Variants in FBXL17 observed in about 807,000 individuals in gnomAD.
FBXL17 encodes the protein F-box/LRR-repeat protein 17.
A neutral mutation model predicts 66.2 loss-of-function variants in FBXL17; 22 were observed. The ratio of observed to expected loss-of-function variants is 0.33; its 90% CI spans 0.24 to 0.47. FBXL17 has a LOEUF of 0.47. Ranked by LOEUF, FBXL17 falls within the 20% of genes least tolerant of loss-of-function variation. The pLI is 1.00. For synonymous variants in FBXL17, 474 were observed against 400.5 expected (o/e 1.18, Z -2.19); for missense variants, 878 against 948.2 (o/e 0.93, Z 0.97).
At chr5:108,084,089 T>C (rs1408944462) in intron 6 of FBXL17, among the ~76,000 whole-genome samples, 2 of 152,228 alleles carry the variant, frequency 1.3e-5, no homozygotes, top group Non-Finnish European at 2.9e-5. Context: ...TCTTCTGTGT[T>C]ATCAGTAAAA....
chr5:107,989,478 T>C (rs576606173), intron 7 of FBXL17, among the ~76,000 whole-genome samples: 2 of 152,286 alleles, frequency 1.3e-5, no homozygotes, highest in South Asian at 4.1e-4. Context: ...GATTTCATTC[T>C]TTTTTATGGC....
chr5:108,322,382 C>T (rs1175319847), intron 4 of FBXL17, among the ~76,000 whole-genome samples: 1 of 151,732 alleles, frequency 6.6e-6, no homozygotes, highest in African/African-American at 2.4e-5. Context: ...ATCTTATGAA[C>T]CAATTATGAA....
At chr5:107,892,452 G>A (rs1749227925) in intron 7 of FBXL17, among the ~76,000 whole-genome samples, 1 of 152,012 alleles carries the variant, frequency 6.6e-6, no homozygotes. Flanking sequence ...TTACATGTTT[G>A]TGTATTTAAA....
intron 6 of FBXL17, among the ~76,000 whole-genome samples, chr5:108,103,211 C>CA (rs1749666698): frequency 6.6e-6 from 1 of 152,142 alleles, no homozygotes; most frequent in South Asian, 2.1e-4. Context: ...GCAATCAGAG[C>CA]AAAAGAGACC....
chr5:108,202,099 A>G (rs1486085563), intron 5 of FBXL17, among the ~76,000 whole-genome samples: 1 of 152,164 alleles, frequency 6.6e-6, no homozygotes, highest in East Asian at 1.9e-4. Flanking sequence ...TTTCAAAAAC[A>G]ATTGCCAATT....
At chr5:108,220,665 C>T (rs1330409088) in intron 5 of FBXL17, among the ~76,000 whole-genome samples, 1 of 151,850 alleles carries the variant, frequency 6.6e-6, no homozygotes, top group Non-Finnish European at 1.5e-5. Flanking sequence ...TCAAAATATC[C>T]CAGCCTAAGT....
chr5:107,928,284 G>A (rs1750601763), intron 7 of FBXL17, among the ~76,000 whole-genome samples: 1 of 151,980 alleles, frequency 6.6e-6, no homozygotes, highest in South Asian at 2.1e-4. Context: ...ACTTTGACTA[G>A]CTTTGCAGGG....
intron 6 of FBXL17, among the ~76,000 whole-genome samples, chr5:108,085,794 G>T (rs1748946931): frequency 6.6e-6 from 1 of 152,098 alleles, no homozygotes; most frequent in Admixed American, 6.5e-5. Flanking sequence ...AAAATTAGCT[G>T]GATGTAGTGG....
intron 4 of FBXL17, among the ~76,000 whole-genome samples, chr5:108,333,397 CA>C (rs1760227600): frequency 6.6e-6 from 1 of 151,958 alleles, no homozygotes; most frequent in African/African-American, 2.4e-5. Context: ...GTTAAAAAAT[CA>C]CTTTTAAAAT....
intron 6 of FBXL17, among the ~76,000 whole-genome samples, chr5:108,126,647 C>CTATA (rs1383217924): frequency 0.011 from 828 of 76,970 alleles, 9 homozygotes; most frequent in African/African-American, 0.036. Flanking sequence ...CTCTCTCTCT[C>CTATA]TCTCTATATA....
At chr5:107,869,135 C>T (rs1393230466) in intron 8 of FBXL17, among the ~76,000 whole-genome samples, 1 of 152,330 alleles carries the variant, frequency 6.6e-6, no homozygotes, top group East Asian at 1.9e-4. Context: ...GGACTTCACA[C>T]TGGTCTGTCA....
At chr5:108,178,992 G>A (rs898343419) in intron 6 of FBXL17, among the ~76,000 whole-genome samples, 3 of 152,124 alleles carry the variant, frequency 2.0e-5, no homozygotes, top group Non-Finnish European at 4.4e-5. Flanking sequence ...TCAGTCTCTA[G>A]GAGAATTAAG....
chr5:108,219,507 G>GAAACCCC, intron 5 of FBXL17, among the ~76,000 whole-genome samples: 1 of 152,140 alleles, frequency 6.6e-6, no homozygotes, highest in East Asian at 1.9e-4. Flanking sequence ...CTAACATGGT[G>GAAACCCC]AAACCCCGTC....
chr5:108,265,531 C>G (rs559852180), intron 4 of FBXL17, among the ~76,000 whole-genome samples: 3 of 152,134 alleles, frequency 2.0e-5, no homozygotes, highest in South Asian at 4.1e-4. Context: ...TTCCAATGTT[C>G]AACTGTATTT....
intron 4 of FBXL17, among the ~76,000 whole-genome samples, chr5:108,266,583 C>T (rs1476398455): frequency 6.6e-6 from 1 of 152,122 alleles, no homozygotes; most frequent in Non-Finnish European, 1.5e-5. Context: ...TGGTAATTCA[C>T]ATATGCCACA....
At chr5:107,973,683 T>A (rs1481633186) in intron 7 of FBXL17, among the ~76,000 whole-genome samples, 1 of 152,120 alleles carries the variant, frequency 6.6e-6, no homozygotes, top group Non-Finnish European at 1.5e-5. Context: ...CCTGTTAGCT[T>A]AGTGTAATCT....
chr5:107,983,069 T>C (rs1464982105), intron 7 of FBXL17, among the ~76,000 whole-genome samples: 2 of 152,180 alleles, frequency 1.3e-5, no homozygotes, highest in African/African-American at 4.8e-5. Context: ...CCCTTTCTTA[T>C]TAATTCATAC....
intron 5 of FBXL17, among the ~76,000 whole-genome samples, chr5:108,220,876 A>C (rs903350721): frequency 1.3e-5 from 2 of 152,212 alleles, no homozygotes; most frequent in Non-Finnish European, 2.9e-5. Flanking sequence ...ACTACAATGA[A>C]AAGAACACAC....
At chr5:108,128,413 G>A (rs1258392318) in intron 6 of FBXL17, among the ~76,000 whole-genome samples, 1 of 151,926 alleles carries the variant, frequency 6.6e-6, no homozygotes, top group East Asian at 1.9e-4. Context: ...GTGCTACTAG[G>A]GATTTTTTAG....
Sources: allele counts gnomAD v4.1 joint callset (sites outside exome capture counted in the v4.1 genomes callset), GRCh38; gene constraint gnomAD v4.1.1; transcripts MANE v1.5; gene names NCBI Gene and HGNC (gene_info 2026-07-23, HGNC 2026-07-21).